AFF2: variants seen among roughly 807,000 people sequenced by gnomAD.
AFF2 encodes AF4/FMR2 family member 2.
A neutral mutation model predicts 76.9 loss-of-function variants in AFF2; 14 were observed. The ratio of observed to expected loss-of-function variants is 0.18; its 90% CI spans 0.12 to 0.28. The LOEUF is 0.28. AFF2 is among the 10% of genes least tolerant of loss of function. The pLI, the probability that AFF2 is intolerant of heterozygous loss-of-function variation, is 1.00. For missense variants in AFF2, 868 were observed against 1,001.1 expected (o/e 0.87, Z 1.79); for synonymous variants, 398 against 366.7 (o/e 1.09, Z -0.98).
At chrX:148,647,559 C>T (rs1255607477) in intron 1 of AFF2, among the ~76,000 whole-genome samples, 2 of 111,302 alleles carry the variant, frequency 1.8e-5, no homozygotes, top group Non-Finnish European at 3.8e-5. Flanking sequence ...ATACTCGAAT[C>T]TAAATTAAAT....
At chrX:148,830,492 G>A (rs567510303) in intron 4 of AFF2, among the ~76,000 whole-genome samples, 8 of 111,858 alleles carry the variant, frequency 7.2e-5, no homozygotes, top group East Asian at 2.8e-4. Context: ...TTCTATTTCC[G>A]TAAGTGTCGG....
chrX:148,712,855 G>T (rs2054984487), intron 3 of AFF2, among the ~76,000 whole-genome samples: 1 of 111,658 alleles, frequency 9.0e-6, no homozygotes, highest in Non-Finnish European at 1.9e-5. Flanking sequence ...TGCATCCTTG[G>T]AGCGGTGGCA....
intron 3 of AFF2, among the ~76,000 whole-genome samples, chrX:148,789,362 G>C (rs1359314236): frequency 9.0e-6 from 1 of 111,461 alleles, no homozygotes; most frequent in Non-Finnish European, 1.9e-5. Flanking sequence ...CCCTGAATTT[G>C]GACAGAAATA....
Position 148,991,463 on chromosome X carries a change from T to TATC in AFF2, c.*132_*134dup, listed in dbSNP as rs2072532886. ...ATGTTTGTTTTTATGCTTCTTTTGTTATCTGTAAAAAACAGAAGTCATTGT... is the reference window on the plus strand; with the variant it reads ...ATGTTTGTTTTTATGCTTCTTTTGTTATCATCTGTAAAAAACAGAAGTCATTGT... On this transcript the variant is annotated 3_prime_UTR_variant, in exon 21 of 21. Coordinates refer to ENST00000370460, the MANE Select transcript of AFF2 (RefSeq NM_002025.4). 1.2e-6 allele frequency: 1 copy of TATC among 817,662 alleles called. No individual in the cohort carries two copies. Among genetic ancestry groups the TATC allele is most frequent in the South Asian group, 4.5e-5 (1 of 22,097 alleles). 67.4% of individuals were successfully genotyped at this position (817,662 alleles called of 1,213,427 possible).
At chrX:148,612,433 T>G (rs2124403767) in intron 1 of AFF2, among the ~76,000 whole-genome samples, 1 of 112,413 alleles carries the variant, frequency 8.9e-6, no homozygotes, top group African/African-American at 3.2e-5. Flanking sequence ...ATACATTGCT[T>G]TTCTAATAGG....
At chrX:148,805,295 G>T (rs2070114231) in intron 3 of AFF2, among the ~76,000 whole-genome samples, 4 of 111,406 alleles carry the variant, frequency 3.6e-5, no homozygotes, top group African/African-American at 1.3e-4. Flanking sequence ...TGTCAAGGTG[G>T]AATATGCCTA....
chrX:148,824,055 T>G (rs1557272791), intron 4 of AFF2, among the ~76,000 whole-genome samples: 1 of 49,981 alleles, frequency 2.0e-5, no homozygotes, highest in Non-Finnish European at 3.4e-5. Flanking sequence ...GATTCATATT[T>G]GCTTCCTCTC....
chrX:148,772,302 T>C (rs2069597635), intron 3 of AFF2, among the ~76,000 whole-genome samples: 1 of 112,123 alleles, frequency 8.9e-6, no homozygotes, highest in South Asian at 3.7e-4. Flanking sequence ...CTCAGATGGC[T>C]GACAACTTTG....
chrX:148,887,006 A>G (rs1481152952), intron 8 of AFF2, among the ~76,000 whole-genome samples: 1 of 112,901 alleles, frequency 8.9e-6, no homozygotes, highest in Non-Finnish European at 1.9e-5. Context: ...TAGAACTCCT[A>G]CCATTCTGGT....
chrX:148,726,010 A>G (rs1324040722), intron 3 of AFF2, among the ~76,000 whole-genome samples: 1 of 112,003 alleles, frequency 8.9e-6, no homozygotes, highest in Non-Finnish European at 1.9e-5. Context: ...AAGACCACCC[A>G]GTATTCATTG....
At chrX:148,985,428 A>C (rs1557291418) in intron 19 of AFF2, among the ~76,000 whole-genome samples, 1 of 105,338 alleles carries the variant, frequency 9.5e-6, no homozygotes, top group Non-Finnish European at 1.9e-5. Context: ...CAGCCTCCCG[A>C]GTAGCTGCAA....
chrX:148,794,676 G>C (rs1265267881), intron 3 of AFF2, among the ~76,000 whole-genome samples: 1 of 111,410 alleles, frequency 9.0e-6, no homozygotes, highest in African/African-American at 3.3e-5. Flanking sequence ...TAGACTATCA[G>C]TATTTTGCCT....
intron 1 of AFF2, among the ~76,000 whole-genome samples, chrX:148,637,570 T>C (rs181781122): frequency 2.7e-5 from 3 of 112,466 alleles, no homozygotes; most frequent in African/African-American, 9.7e-5. Context: ...AAGCCACATA[T>C]GTGAGTTTGA....
chrX:148,983,060 G>A (rs142229170), intron 19 of AFF2, among the ~76,000 whole-genome samples: 1,323 of 111,786 alleles, frequency 0.012, 11 homozygotes, highest in South Asian at 0.024. Context: ...TCAACAAATC[G>A]ATTGCAAATG....
intron 1 of AFF2, among the ~76,000 whole-genome samples, chrX:148,616,453 T>C (rs1245269139): frequency 1.8e-5 from 2 of 111,952 alleles, no homozygotes; most frequent in African/African-American, 6.5e-5. Context: ...CAGTGTCCCT[T>C]GTGTTATAAT....
rs2072549182 is a variant in AFF2, at chrX:148,992,903, T to C, written c.*1571T>C. ...TCCATGTAGCCTTTAATATGCTGGG[T>C]TATCAAATTCTGTTCACTGAGTTAT... On this transcript the variant is annotated 3_prime_UTR_variant, in exon 21 of 21. Transcript: ENST00000370460. The C allele has an allele frequency of 8.9e-6, 1 of 112,822 alleles. No individual in the cohort carries two copies. The highest frequency in any genetic ancestry group is 1.9e-5 in the Non-Finnish European group (1 of 53,346). 9.3% of individuals were successfully genotyped at this position (112,822 alleles called of 1,213,427 possible).
chrX:148,947,169 C>T (rs2071909946), intron 9 of AFF2, among the ~76,000 whole-genome samples: 2 of 112,164 alleles, frequency 1.8e-5, no homozygotes, highest in South Asian at 7.4e-4. Flanking sequence ...ACAGGACAAA[C>T]ATCCTAGTGT....
intron 8 of AFF2, among the ~76,000 whole-genome samples, chrX:148,903,107 C>T (rs2071371109): frequency 9.0e-6 from 1 of 110,821 alleles, no homozygotes; most frequent in African/African-American, 3.3e-5. Flanking sequence ...TTACCCACCT[C>T]CAAGATTCAC....
intron 1 of AFF2, among the ~76,000 whole-genome samples, chrX:148,550,335 GAAATGAA>G (rs2052975661): frequency 8.9e-6 from 1 of 112,004 alleles, no homozygotes; most frequent in Non-Finnish European, 1.9e-5. Context: ...AGGCAAACCT[GAAATGAA>G]AAATCAGTCC....
Sources: allele counts gnomAD v4.1 joint callset (sites outside exome capture counted in the v4.1 genomes callset), GRCh38; gene constraint gnomAD v4.1.1; transcripts MANE v1.5; gene names NCBI Gene and HGNC (gene_info 2026-07-23, HGNC 2026-07-21).